Variants in SCRIB observed in about 807,000 individuals in gnomAD.
The protein encoded by SCRIB is protein scribble homolog.
In SCRIB, 72 loss-of-function variants were observed where a neutral mutation model predicts 170.0. That is an observed-to-expected ratio of 0.42 (90% confidence interval 0.35 to 0.52). SCRIB has a LOEUF of 0.52. Ranked by LOEUF, SCRIB falls within the 20% of genes least tolerant of loss-of-function variation. The pLI is 0.02. For synonymous variants in SCRIB, 1,298 were observed against 1,044.3 expected (o/e 1.24, Z -4.68); for missense variants, 2,475 against 2,338.5 (o/e 1.06, Z -1.20).
In SCRIB at chr8:143,805,277, G is replaced by A. The variant is rs1477313304; in HGVS notation, c.2505C>T (p.Ser835=). ...ITPLRPEDDY[S]PRERRGGGLR... ...GCCCCCCTCCCCGCCGCTCTCGGGGGCTGTAATCATCCTCGGGCCGCAGCG... is the reference window on the plus strand; with the variant it reads ...GCCCCCCTCCCCGCCGCTCTCGGGGACTGTAATCATCCTCGGGCCGCAGCG... Residue 835 remains serine (S), a synonymous_variant, in exon 19 of 37, where the codon AGC becomes AGT. Transcript: ENST00000356994. 4 of 1,555,094 alleles carry A rather than the reference G, an allele frequency of 2.6e-6. No individual in the cohort carries two copies. In the African/African-American group the frequency reaches 5.4e-5, roughly 21 times the overall value.
chr8:143,808,698 C>A lies in SCRIB; in HGVS notation c.2026G>T (p.Glu676Ter). 6.4e-7 allele frequency: 1 copy of A among 1,553,292 alleles called. No homozygotes were observed. Among genetic ancestry groups the A allele is most frequent in the Non-Finnish European group, 8.7e-7 (1 of 1,151,808 alleles). ...EGSPQEEEEEEEEENRAEEEE... is the reference protein window; with the variant it reads ...EGSPQEEEEE ...TCTTCAGCCCTGTTTTCCTCCTCCT[C>A]CTCTTCCTCCTCCTCCTGAGGACTA... The change falls in exon 15 of 37, where the codon GAG becomes TAG. Residue 676 changes from glutamate (E) to a stop codon, truncating the protein, a stop_gained. Transcript: ENST00000356994. LOFTEE classifies it high-confidence loss of function.
chr8:143,800,032 C>G (rs1216822913), intron 24 of SCRIB, among the ~76,000 whole-genome samples: 2 of 120,002 alleles, frequency 1.7e-5, no homozygotes, highest in Non-Finnish European at 3.5e-5. Context: ...ATTGAAGCCC[C>G]CCCCCCACCC....
intron 15 of SCRIB, 151 bp downstream of exon 15, chr8:143,808,458 G>A (rs919936965): frequency 1.4e-5 from 13 of 906,466 alleles, no homozygotes; most frequent in African/African-American, 5.1e-5. Context: ...GAGAGTGGCC[G>A]TGATGCCGAC....
Position 143,792,220 on chromosome 8 carries a change from C to G in SCRIB, c.4514G>C (p.Arg1505Thr). Residue 1505 changes from arginine (R) to threonine (T), a missense_variant and splice_region_variant, in exon 32 of 37, where the codon AGG (arginine) becomes ACG (threonine). Physicochemically the swap from Arg to Thr is moderately conservative, Grantham distance 71. Transcript: ENST00000356994. ...AEKRALWRAA[R>T]MKSLEQDALR... Reference sequence around the variant, plus strand: ...GTGGCGACCCCACACAGGGGCTCACCTGGCTGCCCTCCACAGCGCACGCTT... The same window carrying G: ...GTGGCGACCCCACACAGGGGCTCACGTGGCTGCCCTCCACAGCGCACGCTT... The G allele has an allele frequency of 6.4e-7, 1 of 1,559,084 alleles. No homozygotes were observed. The highest frequency in any genetic ancestry group is 1.4e-5 in the African/African-American group (1 of 73,880).
At chr8:143,800,853 G>A (rs1047567656) in intron 24 of SCRIB, among the ~76,000 whole-genome samples, 2 of 152,276 alleles carry the variant, frequency 1.3e-5, no homozygotes, top group East Asian at 1.9e-4. Context: ...CAGCCTGGGC[G>A]ACAGAGCGAG....
intron 5 of SCRIB, 35 bp downstream of exon 5, chr8:143,813,435 G>A (rs905223333): frequency 3.7e-6 from 6 of 1,613,092 alleles, no homozygotes; most frequent in Middle Eastern, 1.6e-4. Context: ...CTGTGGCCCT[G>A]CCCTGGCTGT....
In SCRIB at chr8:143,798,198, A is replaced by G. The variant is rs573178664; in HGVS notation, c.3604-2668T>C. On this transcript the variant is annotated intron_variant, in intron 24 of 36. Coordinates refer to ENST00000356994, the MANE Select transcript of SCRIB (RefSeq NM_182706.5). Reference sequence around the variant, plus strand: ...TTGAACCCGGGAGGTGGAGGTTGCAATGAGCTGAGATCGTGCCACTGCACT... The same window carrying G: ...TTGAACCCGGGAGGTGGAGGTTGCAGTGAGCTGAGATCGTGCCACTGCACT... Among the ~76,000 whole-genome samples the G allele has an allele frequency of 1.4e-3, 218 of 152,158 alleles. 8 individuals carry two copies. The South Asian group carries it at 0.042, about 30-fold the overall frequency.
At chr8:143,813,449 G>A (rs1314135134) in intron 5 of SCRIB, 21 bp downstream of exon 5, 11 of 1,613,232 alleles carry the variant, frequency 6.8e-6, no homozygotes, top group Non-Finnish European at 6.8e-6. Context: ...TGGCTGTTAG[G>A]AGAATGCCTG....
intron 13 of SCRIB, among the ~76,000 whole-genome samples, chr8:143,809,984 C>T (rs1815631278): frequency 1.3e-5 from 2 of 152,158 alleles, no homozygotes; most frequent in African/African-American, 4.8e-5. Context: ...CACACAAGTT[C>T]CCAGGAAAAT....
In SCRIB at chr8:143,803,685, G is replaced by A; in HGVS notation, c.3376C>T (p.Pro1126Ser). The stretch of plus-strand genomic sequence containing the variant: ...ATGCCCTCGTCTGTGGGGTCGCGGG[G>A]GTTGCCAGCGTGGCCCCTGGCACCC... Reference protein sequence around the residue: ...RGGARGHAGNPRDPTDEGIFI... With the variant: ...RGGARGHAGNSRDPTDEGIFI... The change falls in exon 23 of 37, where the codon CCC (proline) becomes TCC (serine). Residue 1126 changes from proline to serine, a missense_variant. By Grantham distance (74) the Pro-to-Ser change is moderately conservative. Transcript: ENST00000356994. The A allele has an allele frequency of 6.3e-7, 1 of 1,579,146 alleles. No individual in the cohort carries two copies. The highest frequency in any genetic ancestry group is 8.6e-7 in the Non-Finnish European group (1 of 1,169,034).
Position 143,812,225 on chromosome 8 carries a change from C to A in SCRIB, c.906+41G>T, listed in dbSNP as rs202230649. On this transcript the variant is annotated intron_variant, in intron 9 of 36. Coordinates refer to ENST00000356994, the MANE Select transcript of SCRIB (RefSeq NM_182706.5). ...GATGCCCTGTCCTTGTTCTGCACCC[C>A]CGACGGCCCCATCCTTTCTGCCTCC... 136 of 1,320,686 alleles carry A rather than the reference C, an allele frequency of 1.0e-4. No homozygotes were observed. The African/African-American group carries it at 1.8e-3, about 17-fold the overall frequency. The allele number at this position is 1,320,686 out of a possible 1,614,324, so 81.8% of individuals were successfully genotyped here. A position where few individuals can be genotyped will look rare whatever the true frequency, so the allele number is the denominator to read the frequency against.
chr8:143,803,914 G>A lies in SCRIB; in HGVS notation c.3147C>T (p.Arg1049=), dbSNP rs1039025657. ...SKVLPRGLAA[R]SGLRVGDRIL... ...TGCGGTCCCCAACCCGCAGGCCGCT[G>A]CGAGCGGCCAGGCCCCGCGGGAGCA... Residue 1049 remains arginine, a synonymous_variant, in exon 23 of 37, where the codon CGC becomes CGT. Coordinates refer to ENST00000356994, the MANE Select transcript of SCRIB (RefSeq NM_182706.5). 1.9e-6 allele frequency: 3 copies of A among 1,589,602 alleles called. No individual in the cohort carries two copies. The highest frequency in any genetic ancestry group is 1.7e-4 in the Middle Eastern group (1 of 6,034).
chr8:143,796,123 G>A (rs782762380), intron 24 of SCRIB, among the ~76,000 whole-genome samples: 9 of 152,316 alleles, frequency 5.9e-5, no homozygotes, highest in East Asian at 1.9e-4. Context: ...AGAGGGGGGC[G>A]AGGAGACAGG....
chr8:143,809,346 C>T (rs909902212), intron 14 of SCRIB, among the ~76,000 whole-genome samples: 5 of 152,092 alleles, frequency 3.3e-5, no homozygotes, highest in Non-Finnish European at 5.9e-5. Context: ...AGACCTTAAC[C>T]CCACCTAGGG....
chr8:143,808,465 C>T (rs1815535412), intron 15 of SCRIB, 144 bp downstream of exon 15: 12 of 989,092 alleles, frequency 1.2e-5, no homozygotes, highest in South Asian at 5.0e-5. Context: ...GCCGTGATGC[C>T]GACTGTGGAG....
In SCRIB at chr8:143,804,800, G is replaced by C. The variant is rs149127522; in HGVS notation, c.2777C>G (p.Ala926Gly). The change falls in exon 21 of 37, where the codon GCC (alanine) becomes GGC (glycine). Residue 926 changes from alanine to glycine, a missense_variant. Coordinates refer to ENST00000356994, the MANE Select transcript of SCRIB (RefSeq NM_182706.5). ...CAGGGAGACGGCGTGGTCATGCCTG[G>C]CCTCAGTCACGTCCACTCCATTAAT... ...LSINGVDVTE[A>G]RHDHAVSLLT... The C allele has an allele frequency of 6.3e-7, 1 of 1,596,040 alleles. No homozygotes were observed. Among genetic ancestry groups the C allele is most frequent in the Non-Finnish European group, 8.5e-7 (1 of 1,175,650 alleles).
chr8:143,812,185 C>T, intron 9 of SCRIB, 81 bp downstream of exon 9: 1 of 929,410 alleles, frequency 1.1e-6, no homozygotes, highest in Non-Finnish European at 1.8e-6. Flanking sequence ...CACCCCCCAG[C>T]AGCAGACACA....
At chr8:143,797,908 G>A (rs1282372048) in intron 24 of SCRIB, among the ~76,000 whole-genome samples, 3 of 152,258 alleles carry the variant, frequency 2.0e-5, no homozygotes, top group East Asian at 3.8e-4. Flanking sequence ...GAGGTTCTTT[G>A]TCCTGTTTTT....
chr8:143,802,047 C>T (rs1444303319), intron 24 of SCRIB, among the ~76,000 whole-genome samples: 1 of 152,238 alleles, frequency 6.6e-6, no homozygotes, highest in Non-Finnish European at 1.5e-5. Context: ...AAAAACTTCA[C>T]GAGTAAATAT....
Sources: allele counts gnomAD v4.1 joint callset (sites outside exome capture counted in the v4.1 genomes callset), GRCh38; gene constraint gnomAD v4.1.1; transcripts MANE v1.5; gene names NCBI Gene and HGNC (gene_info 2026-07-23, HGNC 2026-07-21).